The following STK32A variants were observed in gnomAD, a reference collection of about 807,000 sequenced individuals.
STK32A encodes serine/threonine kinase 32A.
A neutral mutation model predicts 53.2 loss-of-function variants in STK32A; 41 were observed. The ratio of observed to expected loss-of-function variants is 0.77; its 90% CI spans 0.60 to 1.00. STK32A has a LOEUF of 1.00. STK32A is among the 50% of genes least tolerant of loss of function. The pLI, the probability that STK32A is intolerant of heterozygous loss-of-function variation, is 0.00. For synonymous variants in STK32A, 166 were observed against 162.8 expected (o/e 1.02, Z -0.15); for missense variants, 458 against 485.8 (o/e 0.94, Z 0.54).
chr5:147,335,938 A>G (rs1755098360), intron 5 of STK32A, among the ~76,000 whole-genome samples: 1 of 152,240 alleles, frequency 6.6e-6, no homozygotes, highest in Non-Finnish European at 1.5e-5. Flanking sequence ...AAGGCAATCA[A>G]AATGACCATT....
chr5:147,251,993 A>T (rs1395332915), intron 2 of STK32A, among the ~76,000 whole-genome samples: 1 of 152,044 alleles, frequency 6.6e-6, no homozygotes, highest in Non-Finnish European at 1.5e-5. Flanking sequence ...GCTGGAGCCC[A>T]GGAGTTCACA....
intron 2 of STK32A, among the ~76,000 whole-genome samples, chr5:147,269,668 C>G (rs1156400207): frequency 6.6e-6 from 1 of 152,062 alleles, no homozygotes; most frequent in Non-Finnish European, 1.5e-5. Flanking sequence ...TTATTTGGGT[C>G]TTATCTTGGA....
chr5:147,372,842 G>A (rs940809173), intron 9 of STK32A, among the ~76,000 whole-genome samples: 5 of 152,004 alleles, frequency 3.3e-5, no homozygotes, highest in African/African-American at 4.8e-5. Flanking sequence ...GATTACAATC[G>A]TATGAAATAC....
intron 2 of STK32A, among the ~76,000 whole-genome samples, chr5:147,276,385 C>T (rs1334879560): frequency 6.6e-6 from 1 of 152,142 alleles, no homozygotes; most frequent in Non-Finnish European, 1.5e-5. Context: ...ATTTTCTATT[C>T]TATTTAATTA....
chr5:147,391,537 TCAGATA>T (rs1389051087), downstream of STK32A: 2 of 152,392 alleles, frequency 1.3e-5, no homozygotes, highest in African/African-American at 4.8e-5. Context: ...AGCTTTGGAA[TCAGATA>T]GACGATCCAG....
intron 5 of STK32A, among the ~76,000 whole-genome samples, chr5:147,329,064 A>T (rs554033861): frequency 2.3e-4 from 35 of 152,336 alleles, no homozygotes; most frequent in African/African-American, 8.4e-4. Context: ...TAATTTGTGC[A>T]AGTAATTACA....
chr5:147,293,479 TAAAAAAAAAAAAA>T (rs57835374), intron 4 of STK32A, among the ~76,000 whole-genome samples: 1 of 106,846 alleles, frequency 9.4e-6, no homozygotes, highest in Non-Finnish European at 1.8e-5. Flanking sequence ...TATTTCGAGG[TAAAAAAAAAAAAA>T]AAAAAAAAAA....
intron 5 of STK32A, among the ~76,000 whole-genome samples, chr5:147,342,282 A>C (rs72831392): frequency 0.033 from 5,084 of 152,276 alleles, 100 homozygotes; most frequent in Middle Eastern, 0.082. Context: ...TCCCATATCC[A>C]TAAACAGAAC....
chr5:147,399,304 T>C, the STK32A span: 240,625 of 1,558,132 alleles, frequency 0.15, 19,555 homozygotes, highest in Admixed American at 0.19. Context: ...TATATATCAA[T>C]TCAGGGCTTC....
At chr5:147,285,053 T>C (rs1414780323) in intron 4 of STK32A, among the ~76,000 whole-genome samples, 1 of 152,066 alleles carries the variant, frequency 6.6e-6, no homozygotes, top group East Asian at 1.9e-4. Context: ...TTTCAAATTA[T>C]ACCATAAGCC....
At chr5:147,254,760 C>A (rs191172030) in intron 2 of STK32A, among the ~76,000 whole-genome samples, 1 of 152,108 alleles carries the variant, frequency 6.6e-6, no homozygotes, top group South Asian at 2.1e-4. Context: ...AGCAGGTAAT[C>A]GGACTGAGTT....
intron 4 of STK32A, among the ~76,000 whole-genome samples, chr5:147,284,073 C>G (rs977145937): frequency 6.6e-6 from 1 of 151,980 alleles, no homozygotes; most frequent in Admixed American, 6.6e-5. Context: ...GATAATCCAC[C>G]ATGATCAAGT....
rs185027215 is a variant in STK32A, at chr5:147,249,702, C to G, written c.52+10016C>G. ...CCGAGGGGGGTGGATCGCCTGAGGT[C>G]AGGAGTTCAAGACCAGCCTGGCCAA... On this transcript the variant is annotated intron_variant, in intron 2 of 12. Transcript: ENST00000397936. Among the ~76,000 whole-genome samples, 965 of 151,942 alleles carry G rather than the reference C, an allele frequency of 6.4e-3. 8 individuals are homozygous for G. Among genetic ancestry groups the G allele is most frequent in the Admixed American group, 0.012 (176 of 15,264 alleles).
At chr5:147,278,655 A>G (rs995658718) in intron 3 of STK32A, among the ~76,000 whole-genome samples, 3 of 152,236 alleles carry the variant, frequency 2.0e-5, no homozygotes, top group Non-Finnish European at 4.4e-5. Context: ...AAACTTCTGT[A>G]TTCAAACCCT....
intron 2 of STK32A, among the ~76,000 whole-genome samples, chr5:147,276,260 T>G (rs1335607360): frequency 6.6e-6 from 1 of 152,088 alleles, no homozygotes; most frequent in Non-Finnish European, 1.5e-5. Flanking sequence ...AAAAAACATA[T>G]CATGACATAG....
intron 4 of STK32A, among the ~76,000 whole-genome samples, chr5:147,283,405 C>A (rs1752159821): frequency 6.6e-6 from 1 of 150,512 alleles, no homozygotes; most frequent in Non-Finnish European, 1.5e-5. Context: ...AAGAATAAAC[C>A]AAACCCAAAC....
chr5:147,343,300 T>C lies in STK32A; in HGVS notation c.472+257T>C, dbSNP rs1207086562. On this transcript the variant is annotated intron_variant, in intron 6 of 12. Coordinates refer to ENST00000397936, the MANE Select transcript of STK32A (RefSeq NM_001112724.2). ...ACTCAATTTTCTTCCACTACTATAT[T>C]TCTTCAAGAAAACCATCACAACTTT... The C allele has an allele frequency of 6.1e-6, 4 of 653,656 alleles. No homozygotes were observed. The African/African-American group carries it at 7.2e-5, about 12-fold the overall frequency. 40.5% of individuals were successfully genotyped at this position (653,656 alleles called of 1,614,324 possible).
At chr5:147,330,710 G>T (rs1318159146) in intron 5 of STK32A, among the ~76,000 whole-genome samples, 2 of 152,130 alleles carry the variant, frequency 1.3e-5, no homozygotes, top group Non-Finnish European at 2.9e-5. Context: ...GCCCTGGTAG[G>T]CTGCTCTTCA....
At chr5:147,335,257 G>A (rs1755061580) in intron 5 of STK32A, among the ~76,000 whole-genome samples, 1 of 152,140 alleles carries the variant, frequency 6.6e-6, no homozygotes, top group Non-Finnish European at 1.5e-5. Context: ...CAAATGTGGA[G>A]GGCTGAGTCT....
Sources: allele counts gnomAD v4.1 joint callset (sites outside exome capture counted in the v4.1 genomes callset), GRCh38; gene constraint gnomAD v4.1.1; transcripts MANE v1.5; gene names NCBI Gene and HGNC (gene_info 2026-07-23, HGNC 2026-07-21).